NOSIP: variants seen among roughly 807,000 people sequenced by gnomAD.
The protein encoded by NOSIP is nitric oxide synthase interacting protein, also known as nitric oxide synthase-interacting protein.
A neutral mutation model predicts 36.4 loss-of-function variants in NOSIP; 25 were observed. The ratio of observed to expected loss-of-function variants is 0.69; its 90% CI spans 0.50 to 0.96. The LOEUF (loss-of-function observed/expected upper bound fraction) is 0.96. NOSIP is among the 40% of genes least tolerant of loss of function. NOSIP has a pLI of 0.00. For missense variants in NOSIP, 370 were observed against 429.0 expected, an observed-to-expected ratio of 0.86 and a Z score of 1.21; for synonymous variants, 187 against 179.2, an observed-to-expected ratio of 1.04 and a Z score of -0.35.
chr19:49,565,815 T>C (rs1260460824), intron 1 of NOSIP, among the ~76,000 whole-genome samples: 2 of 151,032 alleles, frequency 1.3e-5, no homozygotes, highest in African/African-American at 4.9e-5. Context: ...CCCCACTCCA[T>C]CTTGGACATC....
At chr19:49,572,282 T>G (rs1330063358) in intron 1 of NOSIP, among the ~76,000 whole-genome samples, 1 of 151,360 alleles carries the variant, frequency 6.6e-6, no homozygotes, top group African/African-American at 2.4e-5. Context: ...ATTTTTTGTA[T>G]TTTTAGTAGA....
chr19:49,563,419 C>A (rs1376583961), intron 1 of NOSIP, among the ~76,000 whole-genome samples: 2 of 152,022 alleles, frequency 1.3e-5, no homozygotes, highest in African/African-American at 4.8e-5. Context: ...CAAGTGAACT[C>A]CTGGCCTCCC....
intron 1 of NOSIP, chr19:49,566,611 G>T (rs2080411483): frequency 6.6e-6 from 1 of 151,994 alleles, no homozygotes; most frequent in Admixed American, 6.6e-5. Context: ...CTGCTTTTAA[G>T]ATAAATTTTA....
chr19:49,572,972 CAAAAAA>C (rs5828405), intron 1 of NOSIP, among the ~76,000 whole-genome samples: 1 of 60,798 alleles, frequency 1.6e-5, no homozygotes, highest in Non-Finnish European at 3.3e-5. Flanking sequence ...GACTGTGTCT[CAAAAAA>C]AAAAAAAAAA....
intron 3 of NOSIP, 149 bp from the exon 4 acceptor site, chr19:49,559,127 C>T (rs1025381569): frequency 5.8e-6 from 4 of 692,552 alleles, no homozygotes; most frequent in Admixed American, 2.2e-5. Flanking sequence ...AGCTGTTATA[C>T]TCATGGTGAT....
At chr19:49,566,704 A>C (rs2122128380) in intron 1 of NOSIP, 1 of 152,346 alleles carries the variant, frequency 6.6e-6, no homozygotes, top group East Asian at 1.9e-4. Flanking sequence ...TTTACAACTA[A>C]TTGATCACAA....
intron 1 of NOSIP, among the ~76,000 whole-genome samples, chr19:49,566,075 A>G (rs1313715400): frequency 1.3e-5 from 2 of 149,026 alleles, no homozygotes; most frequent in East Asian, 4.0e-4. Flanking sequence ...GCTGGAGTGC[A>G]GTGGCGCAAT....
intron 1 of NOSIP, among the ~76,000 whole-genome samples, chr19:49,568,280 G>A (rs571942861): frequency 2.2e-4 from 34 of 152,268 alleles, no homozygotes; most frequent in South Asian, 1.5e-3. Flanking sequence ...GGGGTGGAGG[G>A]AGCGCCTTGT....
Position 49,557,358 on chromosome 19 carries a change from G to A in NOSIP, c.259-109C>T, listed in dbSNP as rs1380833985. 5 of 1,460,128 alleles carry A rather than the reference G, an allele frequency of 3.4e-6. No homozygotes were observed. In the African/African-American group the frequency reaches 4.2e-5, roughly 12 times the overall value. The allele number at this position is 1,460,128 out of a possible 1,614,324, so 90.4% of individuals were successfully genotyped here. A position where few individuals can be genotyped will look rare whatever the true frequency, so the allele number is the denominator to read the frequency against. The stretch of plus-strand genomic sequence containing the variant: ...CCACAAAGGGGACCCTCTGATGGAG[G>A]CACTATGTGGCAGAGGGTGGTAACT... On this transcript the variant is annotated intron_variant, in intron 4 of 8. Transcript: ENST00000596358.
intron 1 of NOSIP, among the ~76,000 whole-genome samples, chr19:49,561,451 C>T (rs2080333127): frequency 1.3e-5 from 2 of 152,168 alleles, no homozygotes; most frequent in Admixed American, 6.6e-5. Flanking sequence ...GTACCCATGT[C>T]CTGCGGTCCA....
intron 1 of NOSIP, among the ~76,000 whole-genome samples, chr19:49,571,112 G>GA (rs1310849406): frequency 6.6e-6 from 1 of 151,234 alleles, no homozygotes; most frequent in African/African-American, 2.4e-5. Context: ...AAGTAGCTGA[G>GA]ATAACAGGCG....
rs759325179 is a variant in NOSIP at position 49,560,659 on chromosome 19, C to T, written c.33G>A (p.Gly11=). 1.9e-6 allele frequency: 3 copies of T among 1,596,790 alleles called. No homozygotes were observed. In the Admixed American group the frequency reaches 5.2e-5, roughly 28 times the overall value. The part of the protein sequence containing the change: MTRHGKNCTA[G]AVYTYHEKKK... ...TCTTCTCGTGGTAGGTGTAGACGGC[C>T]CCTGCGGTGCAGTTCTTGCCATGCC... The change falls in exon 2 of 9, where the codon GGG becomes GGA. Residue 11 remains glycine (G), a synonymous_variant. Coordinates refer to ENST00000596358, the MANE Select transcript of NOSIP (RefSeq NM_001270960.2). The surrounding 1 kb of genome is among the most constrained non-coding windows in gnomAD (Gnocchi z 4.6).
At chr19:49,570,137 C>T (rs1309483876) in intron 1 of NOSIP, among the ~76,000 whole-genome samples, 1 of 152,008 alleles carries the variant, frequency 6.6e-6, no homozygotes, top group Non-Finnish European at 1.5e-5. Flanking sequence ...ATAAAGAACT[C>T]TTGCAGACAA....
Position 49,556,671 on chromosome 19 carries a change from G to T in NOSIP, c.603C>A (p.His201Gln). ...PLRMSDLTPV[H>Q]FTPLDSSVDR... ...CCACGGAGCTGTCTAGCGGTGTGAA[G>T]TGCACGGGCGTCAGGTCCGACATGC... Residue 201 changes from histidine to glutamine, a missense_variant, in exon 7 of 9, where the codon CAC (histidine) becomes CAA (glutamine). Physicochemically the swap from His to Gln is conservative, Grantham distance 24. Around this residue, in one of 3 missense-constraint regions of NOSIP, gnomAD observed 315 missense variants for 331.9 expected, o/e 0.95. Transcript: ENST00000596358. The T allele has an allele frequency of 6.2e-7, 1 of 1,611,738 alleles. No individual in the cohort carries two copies.
chr19:49,568,845 C>T (rs1329184849), intron 1 of NOSIP, among the ~76,000 whole-genome samples: 1 of 147,556 alleles, frequency 6.8e-6, no homozygotes, highest in African/African-American at 2.6e-5. Context: ...GCTCTGTCAC[C>T]AGGCTGGAGT....
Position 49,560,135 on chromosome 19 carries a change from G to A in NOSIP, c.71-96C>T, listed in dbSNP as rs1175391170. On this transcript the variant is annotated intron_variant, in intron 2 of 8. Transcript: ENST00000596358. The surrounding 1 kb of genome is among the most constrained non-coding windows in gnomAD (Gnocchi z 4.6). ...GAGAGAGGCACAGAGACAACGCGGTGGTGGGGGTGGGGGACTCAGAGAGAA... is the reference window on the plus strand; with the variant it reads ...GAGAGAGGCACAGAGACAACGCGGTAGTGGGGGTGGGGGACTCAGAGAGAA... 2.6e-6 allele frequency: 2 copies of A among 765,032 alleles called. No homozygotes were observed. The highest frequency in any genetic ancestry group is 4.3e-6 in the Non-Finnish European group (2 of 463,016). 47.4% of individuals were successfully genotyped at this position (765,032 alleles called of 1,614,324 possible).
chr19:49,556,185 GC>G, intron 8 of NOSIP, 131 bp downstream of exon 8: 3 of 449,222 alleles, frequency 6.7e-6, no homozygotes, highest in Non-Finnish European at 1.2e-5. Flanking sequence ...GGGGGGGGCG[GC>G]CTTACAGAGC....
chr19:49,568,116 C>G (rs1013739958), intron 1 of NOSIP, among the ~76,000 whole-genome samples: 27 of 152,148 alleles, frequency 1.8e-4, no homozygotes, highest in African/African-American at 6.5e-4. Flanking sequence ...TCCTCGTAAA[C>G]TTTGTCGGTG....
chr19:49,573,855 G>GTT, intron 1 of NOSIP, among the ~76,000 whole-genome samples: 1 of 147,348 alleles, frequency 6.8e-6, no homozygotes, highest in African/African-American at 2.5e-5. Context: ...CAGGACTGAA[G>GTT]TATTTTTTTT....
Sources: allele counts gnomAD v4.1 joint callset (sites outside exome capture counted in the v4.1 genomes callset), GRCh38; gene constraint gnomAD v4.1.1; regional missense constraint gnomAD v4.1.1; non-coding constraint Gnocchi (gnomAD v3.1); transcripts MANE v1.5; gene names NCBI Gene and HGNC (gene_info 2026-07-23, HGNC 2026-07-21).